Variants in B3GALT1 observed in about 807,000 individuals in gnomAD.
B3GALT1 encodes the protein beta-1,3-galactosyltransferase 1.
Under a neutral mutation model 23.2 loss-of-function variants are expected in B3GALT1, and 10 were observed. The observed-to-expected ratio is 0.43, with a 90% CI of 0.27 to 0.73. The LOEUF is 0.73. Among genes scored for constraint, B3GALT1 ranks in the 30% least tolerant of loss-of-function variants. The pLI is 0.21. For missense variants in B3GALT1, 299 were observed against 405.4 expected (o/e 0.74, Z 2.25); for synonymous variants, 156 against 141.5 (o/e 1.10, Z -0.73).
At chr2:167,639,525 G>A (rs969019024) in intron 2 of B3GALT1, among the ~76,000 whole-genome samples, 1 of 151,986 alleles carries the variant, frequency 6.6e-6, no homozygotes, top group African/African-American at 2.4e-5. Context: ...GTTATTCATA[G>A]TAAATTTTTT....
chr2:167,653,239 G>A (rs886829521), intron 3 of B3GALT1, among the ~76,000 whole-genome samples: 4 of 152,106 alleles, frequency 2.6e-5, no homozygotes, highest in African/African-American at 7.2e-5. Context: ...GTACAAAAAG[G>A]TCTGAAGAAA....
intron 3 of B3GALT1, among the ~76,000 whole-genome samples, chr2:167,811,054 T>G (rs927296590): frequency 3.3e-5 from 5 of 152,166 alleles, no homozygotes; most frequent in African/African-American, 1.2e-4. Flanking sequence ...TCCTATATGC[T>G]TAGCCAAGAA....
At chr2:167,296,461 T>G (rs1696351413) in intron 1 of B3GALT1, among the ~76,000 whole-genome samples, 1 of 152,188 alleles carries the variant, frequency 6.6e-6, no homozygotes, top group African/African-American at 2.4e-5. Flanking sequence ...TCTCATTTTT[T>G]CTTTGTCTCT....
At chr2:167,333,701 A>G (rs1697012251) in intron 1 of B3GALT1, among the ~76,000 whole-genome samples, 1 of 152,354 alleles carries the variant, frequency 6.6e-6, no homozygotes, top group Middle Eastern at 3.4e-3. Flanking sequence ...ATATCGTAAG[A>G]AATAATTGGC....
At chr2:167,440,206 G>C (rs1574079074) in intron 1 of B3GALT1, among the ~76,000 whole-genome samples, 1 of 151,820 alleles carries the variant, frequency 6.6e-6, no homozygotes, top group East Asian at 1.9e-4. Flanking sequence ...AGCCAGGCGT[G>C]GTGGCGGGCG....
At chr2:167,600,271 G>A (rs1214453893) in intron 2 of B3GALT1, among the ~76,000 whole-genome samples, 1 of 152,146 alleles carries the variant, frequency 6.6e-6, no homozygotes, top group African/African-American at 2.4e-5. Context: ...AGGCCACCAT[G>A]TTATTGAGAA....
intron 2 of B3GALT1, chr2:167,558,249 A>G (rs1268792000): frequency 1.3e-5 from 2 of 152,242 alleles, no homozygotes; most frequent in African/African-American, 4.8e-5. Flanking sequence ...AACATGGAGA[A>G]GATGAAAAGA....
At chr2:167,418,817 G>T (rs1033118758) in intron 1 of B3GALT1, among the ~76,000 whole-genome samples, 1 of 152,064 alleles carries the variant, frequency 6.6e-6, no homozygotes, top group Admixed American at 6.6e-5. Flanking sequence ...GATTACAGGC[G>T]TGAGCCACTG....
At position 167,725,599 on chromosome 2, in the gene B3GALT1, A is replaced by G. The variant is rs980364878; in HGVS notation, c.-352+78633A>G. ...AAAATACTTTCCCAAGGGTACACGG[A>G]AAGTAGGGCAGAATTTAAGTCCACT... On this transcript the variant is annotated intron_variant, in intron 3 of 4. Transcript: ENST00000392690. Among the ~76,000 whole-genome samples the G allele has an allele frequency of 2.0e-5, 3 of 152,232 alleles. No individual in the cohort carries two copies. In the East Asian group the frequency reaches 5.8e-4, roughly 29 times the overall value.
chr2:167,479,092 A>G (rs1005947468), intron 1 of B3GALT1, among the ~76,000 whole-genome samples: 1 of 151,878 alleles, frequency 6.6e-6, no homozygotes, highest in African/African-American at 2.4e-5. Context: ...AAATAAATAA[A>G]TAATAAATAA....
At chr2:167,661,971 GAAAT>G (rs1352539296) in intron 3 of B3GALT1, among the ~76,000 whole-genome samples, 1 of 151,508 alleles carries the variant, frequency 6.6e-6, no homozygotes, top group Non-Finnish European at 1.5e-5. Flanking sequence ...TCTGTAAAGA[GAAAT>G]AAAACCTTTA....
At chr2:167,340,051 T>A (rs926614359) in intron 1 of B3GALT1, among the ~76,000 whole-genome samples, 1 of 152,182 alleles carries the variant, frequency 6.6e-6, no homozygotes, top group African/African-American at 2.4e-5. Flanking sequence ...TGCACAAGAT[T>A]TGAACAAAAA....
At chr2:167,558,857 G>A (rs1031243035) in intron 2 of B3GALT1, among the ~76,000 whole-genome samples, 2 of 152,208 alleles carry the variant, frequency 1.3e-5, no homozygotes, top group African/African-American at 2.4e-5. Flanking sequence ...GCCTGCCTCT[G>A]TAGGCTCCAC....
In B3GALT1 at chr2:167,639,657, A is replaced by ACATATACTC. The variant is rs574417162; in HGVS notation, c.-409-7251_-409-7243dup. Among the ~76,000 whole-genome samples, 137 of 152,228 alleles carry ACATATACTC rather than the reference A, an allele frequency of 9.0e-4. 2 individuals carry two copies. The East Asian group carries it at 0.025, about 27-fold the overall frequency. On this transcript the variant is annotated intron_variant, in intron 2 of 4. Coordinates refer to ENST00000392690, the MANE Select transcript of B3GALT1 (RefSeq NM_020981.4). ...ATTATGGCAAATCAGCTCCCTTCTA[A>ACATATACTC]CATATACTCATGCAAATAAAGTAAC...
At chr2:167,344,414 C>T (rs1224798007) in intron 1 of B3GALT1, among the ~76,000 whole-genome samples, 1 of 152,126 alleles carries the variant, frequency 6.6e-6, no homozygotes, top group Non-Finnish European at 1.5e-5. Flanking sequence ...TCATAATCAA[C>T]ATTTTTCTTC....
Position 167,425,051 on chromosome 2 carries a change from T to A in B3GALT1, c.-510-65126T>A, listed in dbSNP as rs891813000. Reference sequence around the variant, plus strand: ...TCTTGCCAGTGGTTTTATCAGCCTCTCCTGCTACTATAAATCTACCCCATT... The same window carrying A: ...TCTTGCCAGTGGTTTTATCAGCCTCACCTGCTACTATAAATCTACCCCATT... On this transcript the variant is annotated intron_variant, in intron 1 of 4. Transcript: ENST00000392690. Among the ~76,000 whole-genome samples the A allele has an allele frequency of 2.0e-5, 3 of 152,350 alleles. No homozygotes were observed. In the East Asian group the frequency reaches 5.8e-4, roughly 29 times the overall value.
At chr2:167,350,301 G>A (rs2105254576) in intron 1 of B3GALT1, among the ~76,000 whole-genome samples, 1 of 152,268 alleles carries the variant, frequency 6.6e-6, no homozygotes, top group Non-Finnish European at 1.5e-5. Flanking sequence ...TGCCTACCCT[G>A]TGTGTTACTG....
At chr2:167,752,987 G>A (rs540427592) in intron 3 of B3GALT1, among the ~76,000 whole-genome samples, 1 of 152,292 alleles carries the variant, frequency 6.6e-6, no homozygotes, top group East Asian at 1.9e-4. Flanking sequence ...ATGTGGAGAG[G>A]AGACATGATA....
At chr2:167,693,387 C>A (rs1025823243) in intron 3 of B3GALT1, among the ~76,000 whole-genome samples, 1 of 152,002 alleles carries the variant, frequency 6.6e-6, no homozygotes, top group Non-Finnish European at 1.5e-5. Context: ...TTGTGCTTTT[C>A]CCATTTTAAA....
Sources: gnomAD v4.1 joint callset for allele counts (sites outside exome capture counted in the v4.1 genomes callset) on GRCh38, gnomAD v4.1.1 for gene constraint, MANE v1.5 for transcripts, NCBI Gene and HGNC (gene_info 2026-07-23, HGNC 2026-07-21) for gene names.